Variants in APP observed in about 807,000 individuals in gnomAD.
APP encodes the protein amyloid beta precursor protein, also known as amyloid-beta precursor protein.
Under a neutral mutation model 101.4 loss-of-function variants are expected in APP, and 31 were observed. That is an observed-to-expected ratio of 0.31 (90% CI 0.23 to 0.41). APP has a LOEUF of 0.41. APP is among the 10% of genes least tolerant of loss of function. APP has a pLI of 1.00. For missense variants in APP, 839 were observed against 1,003.7 expected (o/e 0.84, Z 2.22); for synonymous variants, 366 against 364.4 (o/e 1.00, Z -0.05).
chr21:26,038,571 C>T (rs2045229994), intron 5 of APP, among the ~76,000 whole-genome samples: 1 of 152,192 alleles, frequency 6.6e-6, no homozygotes, highest in African/African-American at 2.4e-5. Flanking sequence ...CGAGACCAGT[C>T]TGGCCAACGT....
chr21:25,963,890 T>C (rs1257885031), intron 11 of APP, among the ~76,000 whole-genome samples: 1 of 152,142 alleles, frequency 6.6e-6, no homozygotes. Flanking sequence ...CAAATGATCT[T>C]TGTAGTTTAA....
intron 13 of APP, chr21:25,937,823 G>A (rs1456859380): frequency 1.3e-5 from 2 of 152,260 alleles, no homozygotes; most frequent in Non-Finnish European, 2.9e-5. Context: ...AGCCTGGAGT[G>A]TAGTGGTGCC....
chr21:26,013,602 T>C (rs1018565731), intron 6 of APP, among the ~76,000 whole-genome samples: 1 of 152,158 alleles, frequency 6.6e-6, no homozygotes, highest in Admixed American at 6.5e-5. Context: ...TAAATCTAGA[T>C]ATAATTGTAT....
intron 7 of APP, among the ~76,000 whole-genome samples, chr21:25,999,660 GGACAA>G (rs2043202096): frequency 6.6e-6 from 1 of 152,132 alleles, no homozygotes; most frequent in African/African-American, 2.4e-5. Context: ...ATATGTACAC[GGACAA>G]ACACATAAGT....
rs57594630 is a variant in APP, at chr21:26,059,890, C to CAAA, written c.356-6545_356-6543dup. Among the ~76,000 whole-genome samples the CAAA allele has an allele frequency of 1.3e-3, 89 of 70,650 alleles. 2 individuals carry two copies. Among genetic ancestry groups the CAAA allele is most frequent in the East Asian group, 2.8e-3 (5 of 1,808 alleles). 46.3% of individuals were successfully genotyped at this position (70,650 alleles called of 152,430 possible). A position where few individuals can be genotyped will look rare whatever the true frequency, so the allele number is the denominator to read the frequency against. The stretch of plus-strand genomic sequence containing the variant: ...TGAGCGAAAGAGCGAGACTCCGTCT[C>CAAA]AAAAAAAAAAAAAAAAAAAAAAAAA... On this transcript the variant is annotated intron_variant, in intron 3 of 17. Transcript: ENST00000346798.
At chr21:26,077,385 TTG>T in intron 3 of APP, among the ~76,000 whole-genome samples, 1 of 152,326 alleles carries the variant, frequency 6.6e-6, no homozygotes, top group Non-Finnish European at 1.5e-5. Context: ...GGCATCTGTA[TTG>T]TGAGTCTGCC....
At chr21:25,918,661 C>T (rs1383821916) in intron 13 of APP, among the ~76,000 whole-genome samples, 1 of 151,622 alleles carries the variant, frequency 6.6e-6, no homozygotes, top group Non-Finnish European at 1.5e-5. Context: ...CCGAATATTG[C>T]GCTTTTCAGA....
At chr21:26,084,163 C>T (rs929230460) in intron 3 of APP, among the ~76,000 whole-genome samples, 3 of 149,502 alleles carry the variant, frequency 2.0e-5, no homozygotes, top group Non-Finnish European at 4.4e-5. Flanking sequence ...AATTATGGAA[C>T]TTGGGACAGG....
intron 17 of APP, among the ~76,000 whole-genome samples, chr21:25,886,454 C>T (rs988958639): frequency 4.0e-5 from 6 of 151,674 alleles, no homozygotes; most frequent in East Asian, 1.9e-4. Context: ...AGTGCAGTGG[C>T]GTGATTTTGG....
At chr21:26,168,052 A>ATTT (rs2063656168) in intron 1 of APP, among the ~76,000 whole-genome samples, 5 of 152,218 alleles carry the variant, frequency 3.3e-5, no homozygotes, top group Non-Finnish European at 5.9e-5. Flanking sequence ...ACTAGGTTAA[A>ATTT]CCCTCAACAG....
intron 8 of APP, 84 bp downstream of exon 8, chr21:25,997,276 A>G (rs1568829081): frequency 4.6e-6 from 6 of 1,300,110 alleles, no homozygotes; most frequent in South Asian, 1.2e-5. Flanking sequence ...AAAACCATGC[A>G]AAGAAGGTGA....
intron 17 of APP, among the ~76,000 whole-genome samples, chr21:25,887,326 G>T (rs2037390496): frequency 6.6e-6 from 1 of 152,084 alleles, no homozygotes; most frequent in African/African-American, 2.4e-5. Context: ...GAGATTTCCA[G>T]CCACCAGAGG....
At chr21:26,090,872 T>TA (rs1010325204) in intron 2 of APP, among the ~76,000 whole-genome samples, 1 of 152,158 alleles carries the variant, frequency 6.6e-6, no homozygotes, top group African/African-American at 2.4e-5. Flanking sequence ...GTCATTTAGA[T>TA]AAAAATAAAC....
At position 26,084,368 on chromosome 21, in the gene APP, A is replaced by G. The variant is rs531583423; in HGVS notation, c.355+5575T>C. Among the ~76,000 whole-genome samples, 22 of 129,966 alleles carry G rather than the reference A, an allele frequency of 1.7e-4. 1 individual carries two copies. The East Asian group carries it at 4.9e-3, about 29-fold the overall frequency. The allele number at this position is 129,966 out of a possible 152,430, so 85.3% of individuals were successfully genotyped here. A position where few individuals can be genotyped will look rare whatever the true frequency, so the allele number is the denominator to read the frequency against. On this transcript the variant is annotated intron_variant, in intron 3 of 17. Transcript: ENST00000346798. ...ATTCTCCTGCCTCAGCCTCCCGAGT[A>G]GCTGGGATTACAGGCGCCCGCACCA...
At chr21:25,924,409 T>TGCA (rs2039779344) in intron 13 of APP, among the ~76,000 whole-genome samples, 1 of 11,994 alleles carries the variant, frequency 8.3e-5, no homozygotes, top group Non-Finnish European at 1.9e-4. Flanking sequence ...AATTTGCAAA[T>TGCA]ACAAAAAAAA....
chr21:26,060,255 G>A (rs1484378473), intron 3 of APP, among the ~76,000 whole-genome samples: 2 of 152,168 alleles, frequency 1.3e-5, no homozygotes, highest in African/African-American at 4.8e-5. Flanking sequence ...GAGATGACAT[G>A]GTACTGTTTT....
At chr21:26,038,393 ATGAGTCAT>A (rs1193972065) in intron 5 of APP, among the ~76,000 whole-genome samples, 2 of 152,170 alleles carry the variant, frequency 1.3e-5, no homozygotes, top group East Asian at 3.9e-4. Context: ...GAGGTGGGAG[ATGAGTCAT>A]TGAGCCCCAA....
Position 26,092,237 on chromosome 21 carries a change from A to G in APP, c.226-2165T>C, listed in dbSNP as rs140325745. On this transcript the variant is annotated intron_variant, in intron 2 of 17. Transcript: ENST00000346798. ...CTGACTGCCTTGTTTACCTCACCTT[A>G]GTCCCAGACCCCAAAAAAATCAGTT... Among the ~76,000 whole-genome samples, 260 of 152,240 alleles carry G rather than the reference A, an allele frequency of 1.7e-3. 1 individual carries two copies. Among genetic ancestry groups the G allele is most frequent in the African/African-American group, 5.9e-3 (245 of 41,538 alleles).
intron 13 of APP, among the ~76,000 whole-genome samples, chr21:25,925,660 C>T (rs1346766697): frequency 1.3e-5 from 2 of 152,190 alleles, no homozygotes; most frequent in African/African-American, 2.4e-5. Flanking sequence ...AATGGCTGGG[C>T]GTGGTGGCTC....
Sources: gnomAD v4.1 joint callset for allele counts (sites outside exome capture counted in the v4.1 genomes callset) on GRCh38, gnomAD v4.1.1 for gene constraint, MANE v1.5 for transcripts, NCBI Gene and HGNC (gene_info 2026-07-23, HGNC 2026-07-21) for gene names.